SF1: variants seen among roughly 807,000 people sequenced by gnomAD.
SF1 encodes the protein branch point-binding protein.
A neutral mutation model predicts 62.5 loss-of-function variants in SF1; 7 were observed. That is an observed-to-expected ratio of 0.11 (90% CI 0.06 to 0.21). The LOEUF is 0.21. SF1 is among the 10% of genes least tolerant of loss of function. SF1 has a pLI of 1.00. For synonymous variants in SF1, 394 were observed against 323.6 expected, an observed-to-expected ratio of 1.22 and a Z score of -2.33; for missense variants, 578 against 884.0, an observed-to-expected ratio of 0.65 and a Z score of 4.39.
At chr11:64,777,376 G>A in intron 1 of SF1, 1 of 427,616 alleles carries the variant, frequency 2.3e-6, no homozygotes, top group Non-Finnish European at 3.1e-6. Context: ...AAAGCGACAG[G>A]GCAGCCGATC....
At chr11:64,776,001 T>C (rs1026824835) in intron 2 of SF1, 2 of 156,712 alleles carry the variant, frequency 1.3e-5, no homozygotes, top group African/African-American at 4.9e-5. Flanking sequence ...AAGGGGTAAA[T>C]TGTAAACACA....
intron 3 of SF1, chr11:64,772,202 G>C (rs1479832485): frequency 7.1e-6 from 7 of 984,994 alleles, no homozygotes; most frequent in African/African-American, 1.8e-5. Flanking sequence ...AGGAAGCAAA[G>C]AAGGTTTGTT....
chr11:64,776,736 G>T, intron 1 of SF1, 110 bp from the exon 2 acceptor site: 1 of 1,049,362 alleles, frequency 9.5e-7, no homozygotes, highest in Non-Finnish European at 1.4e-6. Flanking sequence ...GAAGCTGAGA[G>T]CTTAACCTAA....
Position 64,769,468 on chromosome 11 carries a change from A to G in SF1, c.621T>C (p.Val207=), listed in dbSNP as rs774536303. 1 of 1,614,198 alleles carries G rather than the reference A, an allele frequency of 6.2e-7. No homozygotes were observed. The highest frequency in any genetic ancestry group is 1.1e-5 in the South Asian group (1 of 91,080). Reference sequence around the variant, plus strand: ...TGACGTTCTCCATTGTATTGGCAGTAACCAGGGCATGAAGTGGCTCATCTT... The same window carrying G: ...TGACGTTCTCCATTGTATTGGCAGTGACCAGGGCATGAAGTGGCTCATCTT... ...PGEDEPLHAL[V]TANTMENVKK... is the part of the protein sequence containing the mutation. Residue 207 remains valine, a synonymous_variant, in exon 6 of 13, where the codon GTT becomes GTC. Coordinates refer to ENST00000377390, the MANE Select transcript of SF1 (RefSeq NM_004630.4).
chr11:64,778,542 CAA>C, upstream of SF1: 2 of 1,181,952 alleles, frequency 1.7e-6, no homozygotes, highest in Middle Eastern at 3.3e-4. Context: ...GCGAGACGCA[CAA>C]AGAGGGAGGA....
At chr11:64,766,855 A>ACCGCCCCCCCCC in intron 12 of SF1, 45 bp downstream of exon 12, 7 of 528,760 alleles carry the variant, frequency 1.3e-5, no homozygotes, top group Non-Finnish European at 1.7e-5. Context: ...TGTCAGCCCC[A>ACCGCCCCCCCCC]CCCCCATCCC....
At position 64,769,206 on chromosome 11, in the gene SF1, T is replaced by A; in HGVS notation, c.779+17A>T. On this transcript the variant is annotated intron_variant, in intron 7 of 12. Transcript: ENST00000377390. Reference sequence around the variant, plus strand: ...GTTCTTCAGGTCTCTACACTCTCCTTTAAACTGATCACATACCTGTTATCG... The same window carrying A: ...GTTCTTCAGGTCTCTACACTCTCCTATAAACTGATCACATACCTGTTATCG... The A allele has an allele frequency of 6.2e-7, 1 of 1,612,914 alleles. No individual in the cohort carries two copies. Among genetic ancestry groups the A allele is most frequent in the Non-Finnish European group, 8.5e-7 (1 of 1,178,900 alleles).
In SF1 at chr11:64,765,486, T is replaced by G. The variant is rs751621587; in HGVS notation, c.*332A>C. 2 of 1,613,024 alleles carry G rather than the reference T, an allele frequency of 1.2e-6. No homozygotes were observed. Among genetic ancestry groups the G allele is most frequent in the African/African-American group, 2.7e-5 (2 of 74,964 alleles). ...TGGGCGCGGAAAGTCCTCACTCTCA[T>G]GGCTCGGGCCATCGCCGCCGCGGGG... On this transcript the variant is annotated 3_prime_UTR_variant, in exon 13 of 13. Transcript: ENST00000377390.
rs1457651936 is a variant in SF1 at position 64,767,731 on chromosome 11, GGGGCCACCTCCGGGCCCACCA to G, written c.1161_1181del (p.Gly388_Pro394del). 6.2e-7 allele frequency: 1 copy of G among 1,613,114 alleles called. No individual in the cohort carries two copies. The highest frequency in any genetic ancestry group is 2.2e-5 in the East Asian group (1 of 44,850). On this transcript the variant is annotated inframe_deletion, in exon 10 of 13. Coordinates refer to ENST00000377390, the MANE Select transcript of SF1 (RefSeq NM_004630.4). ...TGGGTAATGGGTGTGGGAAGCTGTG[GGGGCCACCTCCGGGCCCACCA>G]GGACCACCTCCATGCATGCCGTGGT...
intron 2 of SF1, 85 bp downstream of exon 2, chr11:64,776,413 T>C: frequency 7.0e-7 from 1 of 1,423,396 alleles, no homozygotes; most frequent in Non-Finnish European, 9.8e-7. Context: ...ATAACTACAA[T>C]CTCAAACTTT....
Position 64,767,483 on chromosome 11 carries a change from T to C in SF1, c.1342+88A>G, listed in dbSNP as rs1301106403. 6.3e-5 allele frequency: 86 copies of C among 1,375,790 alleles called. No homozygotes were observed. The East Asian group carries it at 1.9e-3, about 31-fold the overall frequency. The allele number at this position is 1,375,790 out of a possible 1,614,324, so 85.2% of individuals were successfully genotyped here. On this transcript the variant is annotated intron_variant, in intron 10 of 12. Transcript: ENST00000377390. ...CAGACCCAGCACATTGCCCAGCCAC[T>C]TGAGAGCTGCTTCTAGCCAACAGCG...
At chr11:64,778,120 G>T in intron 1 of SF1, 10 of 852,726 alleles carry the variant, frequency 1.2e-5, no homozygotes, top group Non-Finnish European at 1.4e-5. Context: ...AGGCGCCGGG[G>T]GACGGTGGCG....
intron 1 of SF1, chr11:64,777,451 A>G (rs1939486183): frequency 1.0e-6 from 1 of 973,418 alleles, no homozygotes; most frequent in Middle Eastern, 5.3e-4. Context: ...CTCTCCCCAA[A>G]AGAGACCAAG....
intron 5 of SF1, 44 bp from the exon 6 acceptor site, chr11:64,769,653 A>T (rs780361774): frequency 1.3e-6 from 2 of 1,550,862 alleles, no homozygotes; most frequent in Admixed American, 1.7e-5. Flanking sequence ...ACAAATTCAC[A>T]CTCAAGAGGG....
Position 64,767,198 on chromosome 11 carries a change from C to G in SF1, c.1396G>C (p.Gly466Arg). ...GCCAGCAGACAGCCATTACCTTTTC[C>G]TTGATGCAGGCGATAGACCCCAGAG... Reference protein sequence around the residue: ...VGSGVYRLHQGKGMMPPPPMG... With the variant: ...VGSGVYRLHQRKGMMPPPPMG... Residue 466 changes from glycine (G) to arginine (R), a missense_variant, in exon 11 of 13, where the codon GGA becomes CGA. Physicochemically the swap from Gly to Arg is moderately radical, Grantham distance 125. Transcript: ENST00000377390. 6.2e-7 allele frequency: 1 copy of G among 1,614,112 alleles called. No individual in the cohort carries two copies. The highest frequency in any genetic ancestry group is 8.5e-7 in the Non-Finnish European group (1 of 1,179,974).
chr11:64,772,323 T>G, intron 3 of SF1: 6 of 801,458 alleles, frequency 7.5e-6, no homozygotes, highest in Non-Finnish European at 9.0e-6. Flanking sequence ...AATGTAAATT[T>G]AAAAAAAAAA....
At chr11:64,769,379 C>A in intron 6 of SF1, 41 bp from the exon 7 acceptor site, 1 of 1,613,558 alleles carries the variant, frequency 6.2e-7, no homozygotes, top group Non-Finnish European at 8.5e-7. Context: ...TTAGGGCCTC[C>A]ACCTAGGTTT....
chr11:64,766,587 T>C (rs2058687801), intron 12 of SF1: 1 of 406,174 alleles, frequency 2.5e-6, no homozygotes, highest in Non-Finnish European at 4.4e-6. Context: ...ACTCGACCCA[T>C]ATGCACCAGG....
intron 1 of SF1, among the ~76,000 whole-genome samples, chr11:64,777,166 G>A (rs922254605): frequency 2.6e-5 from 4 of 152,164 alleles, no homozygotes; most frequent in African/African-American, 4.8e-5. Context: ...GTTTAGCCAA[G>A]ATCAGCATTC....
Sources: allele counts gnomAD v4.1 joint callset (sites outside exome capture counted in the v4.1 genomes callset), GRCh38; gene constraint gnomAD v4.1.1; transcripts MANE v1.5; gene names NCBI Gene and HGNC (gene_info 2026-07-23, HGNC 2026-07-21).